The following SBSN variants were observed in gnomAD, a reference collection of about 807,000 sequenced individuals.
The protein encoded by SBSN is HLAR698.
In SBSN, 33 loss-of-function variants were observed where a neutral mutation model predicts 42.8. That is an observed-to-expected ratio of 0.77 (90% CI 0.58 to 1.03). The LOEUF (loss-of-function observed/expected upper bound fraction) is 1.03, where lower values mean the gene tolerates loss of function less well. Ranked by LOEUF, SBSN falls within the 50% of genes least tolerant of loss-of-function variation. The pLI is 0.00. For missense variants in SBSN, 646 were observed against 757.3 expected (o/e 0.85, Z 1.72); for synonymous variants, 276 against 307.0 (o/e 0.90, Z 1.06).
Position 35,523,402 on chromosome 19 carries a change from C to A in SBSN, c.*108G>T, listed in dbSNP as rs984835876. The A allele has an allele frequency of 5.6e-6, 6 of 1,080,764 alleles. No individual in the cohort carries two copies. Among genetic ancestry groups the A allele is most frequent in the East Asian group, 2.4e-5 (1 of 41,942 alleles). 66.9% of individuals were successfully genotyped at this position (1,080,764 alleles called of 1,614,324 possible). On this transcript the variant is annotated 3_prime_UTR_variant, in exon 4 of 4. Coordinates refer to ENST00000452271, the MANE Select transcript of SBSN (RefSeq NM_001166034.2). Reference sequence around the variant, plus strand: ...AGTTTATTCACAAATCCCAGTACAACCCCCTTCAGGGATTTCAGAAACCTG... The same window carrying A: ...AGTTTATTCACAAATCCCAGTACAAACCCCTTCAGGGATTTCAGAAACCTG...
At position 35,527,995 on chromosome 19, in the gene SBSN, T is replaced by C. The variant is rs774679087; in HGVS notation, c.287A>G (p.Lys96Arg). The C allele has an allele frequency of 5.0e-6, 8 of 1,613,818 alleles. No individual in the cohort carries two copies. In the Admixed American group the frequency reaches 1.2e-4, roughly 24 times the overall value. ...GVQGLNHGMD[K>R]VAHEINHGIG... ...ACCATGGTTGATCTCATGGGCAACC[T>C]TGTCCATGCCGTGGTTGAGCCCCTG... The change falls in exon 1 of 4, where the codon AAG (lysine) becomes AGG (arginine). Residue 96 changes from lysine to arginine, a missense_variant. Physicochemically the swap from Lys to Arg is conservative, Grantham distance 26. This residue lies in a region of SBSN where 190 missense variants were observed against 197.1 expected (regional missense o/e 0.96). Transcript: ENST00000452271.
Position 35,527,548 on chromosome 19 carries a change from C to T in SBSN, c.734G>A (p.Gly245Glu), listed in dbSNP as rs1444634893. The T allele has an allele frequency of 6.6e-7, 1 of 1,524,870 alleles. No individual in the cohort carries two copies. Among genetic ancestry groups the T allele is most frequent in the African/African-American group, 1.4e-5 (1 of 70,594 alleles). 94.5% of individuals were successfully genotyped at this position (1,524,870 alleles called of 1,614,324 possible). Residue 245 changes from glycine to glutamate, a missense_variant, in exon 1 of 4, where the codon GGG becomes GAG. Gly to Glu is a moderately conservative substitution (Grantham distance 98). Transcript: ENST00000452271. Reference protein sequence around the residue: ...VGKEAEKFGQGAHHAAGQAGN... With the variant: ...VGKEAEKFGQEAHHAAGQAGN... Reference sequence around the variant, plus strand: ...GGCCTGCCCCGCAGCATGGTGGGCCCCCTGGCCAAACTTCTCTGCCTCCTT... The same window carrying T: ...GGCCTGCCCCGCAGCATGGTGGGCCTCCTGGCCAAACTTCTCTGCCTCCTT...
chr19:35,524,593 T>G (rs1360619218), intron 3 of SBSN, 118 bp downstream of exon 3: 1 of 1,014,814 alleles, frequency 9.9e-7, no homozygotes, highest in African/African-American at 1.6e-5. Context: ...TGGAGGGTCT[T>G]TGCAGAGGCT....
intron 3 of SBSN, 132 bp downstream of exon 3, chr19:35,524,579 A>T (rs2071346591): frequency 1.2e-6 from 1 of 810,200 alleles, no homozygotes; most frequent in Non-Finnish European, 2.0e-6. Context: ...ACTGGGTATC[A>T]GGTTGGAGGG....
In SBSN at chr19:35,526,918, G is replaced by A. The variant is rs761134571; in HGVS notation, c.1364C>T (p.Ala455Val). ...GTGAACTCCCTGGCCAAACTGCCCT[G>A]CCTCCTTCCCGGCCTCGTGGACCCC... Reference protein sequence around the residue: ...QPGVHEAGKEAGQFGQGVHHT... With the variant: ...QPGVHEAGKEVGQFGQGVHHT... The change falls in exon 1 of 4, where the codon GCA (alanine) becomes GTA (valine). Residue 455 changes from alanine (A) to valine (V), a missense_variant. Physicochemically the swap from Ala to Val is moderately conservative, Grantham distance 64 (BLOSUM62 0). Coordinates refer to ENST00000452271, the MANE Select transcript of SBSN (RefSeq NM_001166034.2). 1.1e-5 allele frequency: 18 copies of A among 1,605,972 alleles called. No individual in the cohort carries two copies. The South Asian group carries it at 2.0e-4, about 18-fold the overall frequency.
intron 3 of SBSN, 87 bp downstream of exon 3, chr19:35,524,624 A>T (rs1783279687): frequency 2.8e-6 from 4 of 1,439,870 alleles, no homozygotes; most frequent in Non-Finnish European, 3.9e-6. Flanking sequence ...CCGCCCGGGG[A>T]GCTGTCCAAA....
chr19:35,524,984 C>A, intron 1 of SBSN, 60 bp from the exon 2 acceptor site: 1 of 1,578,048 alleles, frequency 6.3e-7, no homozygotes, highest in Non-Finnish European at 8.7e-7. Context: ...CTCCCAGTTC[C>A]TTTTCCCCAG....
rs376214505 is a variant in SBSN at position 35,524,855 on chromosome 19, T to C, written c.1704+4A>G. Reference sequence around the variant, plus strand: ...CTCTCCCCTACCCCAGAGTCCGCGCTTACCCCAGAGGCTAACGGCGTGGTT... The same window carrying C: ...CTCTCCCCTACCCCAGAGTCCGCGCCTACCCCAGAGGCTAACGGCGTGGTT... On this transcript the variant is annotated splice_donor_region_variant and intron_variant, in intron 2 of 3. Coordinates refer to ENST00000452271, the MANE Select transcript of SBSN (RefSeq NM_001166034.2). The C allele has an allele frequency of 5.0e-5, 80 of 1,614,078 alleles. No homozygotes were observed. In the Middle Eastern group the frequency reaches 6.6e-4, roughly 13 times the overall value.
At chr19:35,526,605 AC>A in intron 1 of SBSN, 38 bp downstream of exon 1, 3 of 427,072 alleles carry the variant, frequency 7.0e-6, no homozygotes, top group East Asian at 5.8e-5. Context: ...CCCTCCCCCA[AC>A]CCCCCTGTCC....
At position 35,527,626 on chromosome 19, in the gene SBSN, T is replaced by C; in HGVS notation, c.656A>G (p.Lys219Arg). The change falls in exon 1 of 4, where the codon AAG becomes AGG. Residue 219 changes from lysine (K) to arginine (R), a missense_variant. Around this residue, in one of 3 missense-constraint regions of SBSN, gnomAD observed 220 missense variants for 334.5 expected, o/e 0.66. Transcript: ENST00000452271. ...CCCCTGGCCAAACTTCTCTGTCTCC[T>C]TCCAGCCCTCACTGAGACCATGGTG... ...GAHHGLSEGW[K>R]ETEKFGQGIH... The C allele has an allele frequency of 6.5e-7, 1 of 1,531,490 alleles. No individual in the cohort carries two copies. Among genetic ancestry groups the C allele is most frequent in the Non-Finnish European group, 8.7e-7 (1 of 1,147,100 alleles). 94.9% of individuals were successfully genotyped at this position (1,531,490 alleles called of 1,614,324 possible).
Position 35,527,592 on chromosome 19 carries a change from A to G in SBSN, c.690T>C (p.His230=), listed in dbSNP as rs977412064. 12 of 1,529,158 alleles carry G rather than the reference A, an allele frequency of 7.8e-6. No homozygotes were observed. Among genetic ancestry groups the G allele is most frequent in the Admixed American group, 6.2e-5 (3 of 48,300 alleles). The allele number at this position is 1,529,158 out of a possible 1,614,324, so 94.7% of individuals were successfully genotyped here. ...ETEKFGQGIH[H]AAGQVGKEAE... is the part of the protein sequence containing the mutation. The stretch of plus-strand genomic sequence containing the variant: ...CCTCCTTCCCAACCTGACCGGCAGC[A>G]TGGTGGATCCCCTGGCCAAACTTCT... The change falls in exon 1 of 4, where the codon CAT becomes CAC. Residue 230 remains histidine (H), a synonymous_variant. Transcript: ENST00000452271.
intron 3 of SBSN, 53 bp from the exon 4 acceptor site, chr19:35,523,586 G>GA: frequency 6.3e-7 from 1 of 1,584,878 alleles, no homozygotes; most frequent in Non-Finnish European, 8.7e-7. Flanking sequence ...GTCATGACGG[G>GA]ACCCGAGACC....
At chr19:35,525,086 C>T (rs1282396829) in intron 1 of SBSN, among the ~76,000 whole-genome samples, 162 bp from the exon 2 acceptor site, 4 of 152,156 alleles carry the variant, frequency 2.6e-5, no homozygotes, top group African/African-American at 9.7e-5. Context: ...ACCCAAAGCC[C>T]GTGCTCGCGT....
chr19:35,526,574 T>G, intron 1 of SBSN, 70 bp downstream of exon 1: 44 of 622,436 alleles, frequency 7.1e-5, no homozygotes, highest in East Asian at 2.1e-4. Flanking sequence ...CCCCGCCAAA[T>G]GTCCCAGGGG....
chr19:35,525,061 A>C (rs1029118206), intron 1 of SBSN, 137 bp from the exon 2 acceptor site: 1 of 866,352 alleles, frequency 1.2e-6, no homozygotes, highest in African/African-American at 1.7e-5. Context: ...CTGCCTCCTC[A>C]CTGTCCAGAA....
chr19:35,523,490 C>T lies in SBSN; in HGVS notation c.*20G>A. The T allele has an allele frequency of 6.2e-7, 1 of 1,613,892 alleles. No homozygotes were observed. Among genetic ancestry groups the T allele is most frequent in the South Asian group, 1.1e-5 (1 of 91,076 alleles). ...TGTGACAACGGCGACATTATTCTCC[C>T]AGCAAGGCCGGATGCCAGTTTAGGG... On this transcript the variant is annotated 3_prime_UTR_variant, in exon 4 of 4. Coordinates refer to ENST00000452271, the MANE Select transcript of SBSN (RefSeq NM_001166034.2).
At chr19:35,524,804 C>T in intron 2 of SBSN, 49 bp from the exon 3 acceptor site, 1 of 1,613,776 alleles carries the variant, frequency 6.2e-7, no homozygotes, top group Non-Finnish European at 8.5e-7. Flanking sequence ...GACCCACAGC[C>T]ATGCTAGGGA....
At chr19:35,525,603 C>T (rs908317988) in intron 1 of SBSN, among the ~76,000 whole-genome samples, 27 of 152,112 alleles carry the variant, frequency 1.8e-4, no homozygotes, top group Admixed American at 2.6e-4. Context: ...CTGCTCCCCA[C>T]GCTCCCTTCT....
At chr19:35,525,870 A>G (rs2071364539) in intron 1 of SBSN, among the ~76,000 whole-genome samples, 1 of 152,090 alleles carries the variant, frequency 6.6e-6, no homozygotes. Context: ...TTTAGTAGAG[A>G]TAGGGTTTCA....
Sources: allele counts gnomAD v4.1 joint callset (sites outside exome capture counted in the v4.1 genomes callset), GRCh38; gene constraint gnomAD v4.1.1; regional missense constraint gnomAD v4.1.1; transcripts MANE v1.5; gene names NCBI Gene and HGNC (gene_info 2026-07-23, HGNC 2026-07-21).